MROH6: variants seen among roughly 807,000 people sequenced by gnomAD.
MROH6 encodes maestro heat-like repeat-containing protein family member 6.
In MROH6, 62 loss-of-function variants were observed where a neutral mutation model predicts 67.7. The observed-to-expected ratio is 0.92, with a 90% confidence interval of 0.75 to 1.13. The LOEUF is 1.13. Among genes scored for constraint, MROH6 ranks in the 50% most tolerant of loss-of-function variants. The pLI is 0.00. For missense variants in MROH6, 1,175 were observed against 1,029.1 expected (o/e 1.14, Z -1.94); for synonymous variants, 566 against 470.8 (o/e 1.20, Z -2.62).
rs748536045 is a variant in MROH6, at chr8:143,572,112, G to C, written c.368C>G (p.Ala123Gly). The C allele has an allele frequency of 2.7e-5, 44 of 1,612,898 alleles. No individual in the cohort carries two copies. Among genetic ancestry groups the C allele is most frequent in the Non-Finnish European group, 3.5e-5 (41 of 1,179,848 alleles). ...ALYTAACLEE[A>G]GFAGTQATVL... ...TGTCGCCTGGGTCCCTGCAAAGCCA[G>C]CCTCCTCCAGGCAGGCAGCCGTGTA... is the stretch of plus-strand genomic sequence containing the variant. Residue 123 changes from alanine (A) to glycine (G), a missense_variant, in exon 2 of 14, where the codon GCT becomes GGT. Physicochemically the swap from Ala to Gly is moderately conservative, Grantham distance 60. Transcript: ENST00000398882.
chr8:143,568,192 C>T lies in MROH6; in HGVS notation c.1714G>A (p.Val572Met). ...GCCTCGGGGCTGTCATAGTGGGCCA[C>T]GGTGACCAACTCCTCCAGCAGGCCC... ...CWGLLEELVTVAHYDSPEALS... is the reference protein window; with the variant it reads ...CWGLLEELVTMAHYDSPEALS... Residue 572 changes from valine (V) to methionine (M), a missense_variant, in exon 11 of 14, where the codon GTG becomes ATG. Transcript: ENST00000398882. The T allele has an allele frequency of 2.5e-6, 4 of 1,610,670 alleles. No individual in the cohort carries two copies. Among genetic ancestry groups the T allele is most frequent in the Admixed American group, 1.7e-5 (1 of 59,786 alleles).
chr8:143,567,964 G>C, intron 11 of MROH6, 76 bp from the exon 12 acceptor site: 2 of 1,456,140 alleles, frequency 1.4e-6, no homozygotes, highest in Non-Finnish European at 1.8e-6. Flanking sequence ...CTGAATCCAG[G>C]GGCCGGGGTT....
intron 6 of MROH6, 30 bp from the exon 7 acceptor site, chr8:143,570,095 T>C: frequency 6.3e-7 from 1 of 1,599,522 alleles, no homozygotes; most frequent in Non-Finnish European, 8.5e-7. Flanking sequence ...GAGCTCTCGC[T>C]CCGTTTGGCG....
At position 143,572,070 on chromosome 8, in the gene MROH6, G is replaced by A. The variant is rs1302750489; in HGVS notation, c.410C>T (p.Ser137Leu). 2 of 1,612,604 alleles carry A rather than the reference G, an allele frequency of 1.2e-6. No homozygotes were observed. The highest frequency in any genetic ancestry group is 2.2e-5 in the South Asian group (2 of 91,040). The change falls in exon 2 of 14, where the codon TCA (serine) becomes TTA (leucine). Residue 137 changes from serine to leucine, a missense_variant. Physicochemically the swap from Ser to Leu is moderately radical, Grantham distance 145 (BLOSUM62 -2). Transcript: ENST00000398882. Reference protein sequence around the residue: ...GTQATVLTLSSALEARGERLE... With the variant: ...GTQATVLTLSLALEARGERLE... ...CCGCTCGCCCCGGGCCTCCAGGGCT[G>A]AGGACAGGGTGAGCACTGTCGCCTG...
In MROH6 at chr8:143,567,272, G is replaced by A. The variant is rs910356020; in HGVS notation, c.2127C>T (p.Gly709=). Residue 709 remains glycine (G), a synonymous_variant, in exon 14 of 14, where the codon GGC becomes GGT. Transcript: ENST00000398882. ...GGCGGGGTCCGGAGCAGCCCCAGCGGCCCGCGACGCTCCGGCGCTGGAAGG... is the reference window on the plus strand; with the variant it reads ...GGCGGGGTCCGGAGCAGCCCCAGCGACCCGCGACGCTCCGGCGCTGGAAGG... The part of the protein sequence containing the change: ...DSPFQRRSVA[G]RWGCSGPRRA 147 of 1,222,612 alleles carry A rather than the reference G, an allele frequency of 1.2e-4. No homozygotes were observed. The highest frequency in any genetic ancestry group is 1.7e-4 in the Admixed American group (4 of 23,380). 75.7% of individuals were successfully genotyped at this position (1,222,612 alleles called of 1,614,324 possible).
At chr8:143,568,053 A>T in intron 11 of MROH6, 89 bp downstream of exon 11, 2 of 1,507,102 alleles carry the variant, frequency 1.3e-6, no homozygotes, top group Non-Finnish European at 1.8e-6. Flanking sequence ...GTTTGGCTGC[A>T]GTAGAAACGG....
At chr8:143,567,962 A>T in intron 11 of MROH6, 74 bp from the exon 12 acceptor site, 1 of 1,456,356 alleles carries the variant, frequency 6.9e-7, no homozygotes, top group Non-Finnish European at 9.2e-7. Flanking sequence ...AGCTGAATCC[A>T]GGGGCCGGGG....
intron 12 of MROH6, 52 bp downstream of exon 12, chr8:143,567,734 C>T (rs1823707195): frequency 1.3e-6 from 2 of 1,570,192 alleles, no homozygotes. Flanking sequence ...GGAGGCTGGC[C>T]CAGCTCCCAA....
chr8:143,570,860 T>C lies in MROH6; in HGVS notation c.720+17A>G. On this transcript the variant is annotated intron_variant, in intron 4 of 13. Coordinates refer to ENST00000398882, the MANE Select transcript of MROH6 (RefSeq NM_001100878.2). The stretch of plus-strand genomic sequence containing the variant: ...CACCCCCGCCCCCACCCCCTGGTAA[T>C]GGCTGGAGCCACCTACCGCCAGTGC... 4 of 493,518 alleles carry C rather than the reference T, an allele frequency of 8.1e-6. No homozygotes were observed. The highest frequency in any genetic ancestry group is 1.5e-5 in the Non-Finnish European group (4 of 271,148). The allele number at this position is 493,518 out of a possible 1,614,324, so 30.6% of individuals were successfully genotyped here.
In MROH6 at chr8:143,572,718, G is replaced by A. The variant is rs534144168; in HGVS notation, c.-4C>T. ...GGCCCCACACACCCCCAGCCATGGC[G>A]GCCCTTGCCTGCAGCACCTGCCGCT... is the stretch of plus-strand genomic sequence containing the variant. On this transcript the variant is annotated 5_prime_UTR_variant, in exon 1 of 14. Coordinates refer to ENST00000398882, the MANE Select transcript of MROH6 (RefSeq NM_001100878.2). 82 of 1,471,300 alleles carry A rather than the reference G, an allele frequency of 5.6e-5. 1 individual carries two copies. In the East Asian group the frequency reaches 1.5e-3, roughly 27 times the overall value. 91.1% of individuals were successfully genotyped at this position (1,471,300 alleles called of 1,614,324 possible). A position where few individuals can be genotyped will look rare whatever the true frequency, so the allele number is the denominator to read the frequency against.
At position 143,571,737 on chromosome 8, in the gene MROH6, T is replaced by C. The variant is rs375085508; in HGVS notation, c.532A>G (p.Ser178Gly). The change falls in exon 3 of 14, where the codon AGC becomes GGC. Residue 178 changes from serine to glycine, a missense_variant. Physicochemically the swap from Ser to Gly is moderately conservative, Grantham distance 56 (BLOSUM62 0). Coordinates refer to ENST00000398882, the MANE Select transcript of MROH6 (RefSeq NM_001100878.2). ...CGCGCATGCTCCAGGGCCAGTGCGC[T>C]CAGCACTCGCAGGGCCGCCCTCCAG... ...RPWRAALRVLSALALEHARDV... is the reference protein window; with the variant it reads ...RPWRAALRVLGALALEHARDV... The C allele has an allele frequency of 3.5e-5, 55 of 1,549,730 alleles. No individual in the cohort carries two copies. Among genetic ancestry groups the C allele is most frequent in the Non-Finnish European group, 4.7e-5 (54 of 1,148,012 alleles).
In MROH6 at chr8:143,572,586, A is replaced by T; in HGVS notation, c.129T>A (p.Pro43=). ...GQPQGPPSAG[P]QPKSWEVKPE... The stretch of plus-strand genomic sequence containing the variant: ...GTTTGACCTCCCAGGACTTGGGCTG[A>T]GGGCCTGCGGAAGGGGGTCCCTGGG... Residue 43 remains proline, a synonymous_variant, in exon 1 of 14, where the codon CCT becomes CCA. Coordinates refer to ENST00000398882, the MANE Select transcript of MROH6 (RefSeq NM_001100878.2). 6.2e-7 allele frequency: 1 copy of T among 1,603,260 alleles called. No homozygotes were observed. Among genetic ancestry groups the T allele is most frequent in the East Asian group, 2.2e-5 (1 of 44,628 alleles).
rs988066464 is a variant in MROH6, at chr8:143,568,635, G to A, written c.1561C>T (p.Arg521Cys). The A allele has an allele frequency of 2.0e-6, 3 of 1,537,038 alleles. No homozygotes were observed. Among genetic ancestry groups the A allele is most frequent in the South Asian group, 2.4e-5 (2 of 84,182 alleles). Residue 521 changes from arginine to cysteine, a missense_variant, in exon 10 of 14, where the codon CGC (arginine) becomes TGC (cysteine). Coordinates refer to ENST00000398882, the MANE Select transcript of MROH6 (RefSeq NM_001100878.2). ...RGRGGLRLGL[R>C]GPLRKLVLQS... ...AGCACCAGCTTCCGCAGGGGGCCGC[G>A]GAGCCCCAGCCGGAGCCCGCCCCGG... is the stretch of plus-strand genomic sequence containing the variant.
chr8:143,567,231 C>T lies in MROH6; in HGVS notation c.*8G>A. 8.2e-7 allele frequency: 1 copy of T among 1,217,896 alleles called. No individual in the cohort carries two copies. Among genetic ancestry groups the T allele is most frequent in the Non-Finnish European group, 1.0e-6 (1 of 977,832 alleles). 75.4% of individuals were successfully genotyped at this position (1,217,896 alleles called of 1,614,324 possible). A position where few individuals can be genotyped will look rare whatever the true frequency, so the allele number is the denominator to read the frequency against. On this transcript the variant is annotated 3_prime_UTR_variant, in exon 14 of 14. Transcript: ENST00000398882. Reference sequence around the variant, plus strand: ...CGGACCCTGGCCCTCGGGCCCCAGCCCCGAGCCTCAGGCTCGGCGGGGTCC... The same window carrying T: ...CGGACCCTGGCCCTCGGGCCCCAGCTCCGAGCCTCAGGCTCGGCGGGGTCC...
Position 143,567,183 on chromosome 8 carries a change from C to T in MROH6, c.*56G>A. The T allele has an allele frequency of 3.9e-6, 4 of 1,013,454 alleles. No homozygotes were observed. The highest frequency in any genetic ancestry group is 5.0e-6 in the Non-Finnish European group (4 of 792,652). 62.8% of individuals were successfully genotyped at this position (1,013,454 alleles called of 1,614,324 possible). On this transcript the variant is annotated 3_prime_UTR_variant, in exon 14 of 14. Coordinates refer to ENST00000398882, the MANE Select transcript of MROH6 (RefSeq NM_001100878.2). ...CCTCCGTCAGGGCGGGGACAGGCTGCTATGCGCGTGGGGTGCCCGAGTCGG... is the reference window on the plus strand; with the variant it reads ...CCTCCGTCAGGGCGGGGACAGGCTGTTATGCGCGTGGGGTGCCCGAGTCGG...
rs1352575820 is a variant in MROH6, at chr8:143,568,703, C to T, written c.1493G>A (p.Arg498His). 2 of 1,497,978 alleles carry T rather than the reference C, an allele frequency of 1.3e-6. No individual in the cohort carries two copies. The highest frequency in any genetic ancestry group is 2.5e-5 in the South Asian group (2 of 79,328). 92.8% of individuals were successfully genotyped at this position (1,497,978 alleles called of 1,614,324 possible). ...PLLDDTRDSI[R>H]ASAVGLLGTL... is the part of the protein sequence containing the mutation. ...CCCAAGGAGCCCGACGGCCGAGGCGCGGATTGAGTCCCGTGTCTGCGTGGG... is the reference window on the plus strand; with the variant it reads ...CCCAAGGAGCCCGACGGCCGAGGCGTGGATTGAGTCCCGTGTCTGCGTGGG... Residue 498 changes from arginine to histidine, a missense_variant, in exon 10 of 14, where the codon CGC becomes CAC. Arg to His is a conservative substitution (Grantham distance 29). Transcript: ENST00000398882.
chr8:143,570,350 G>T lies in MROH6; in HGVS notation c.936C>A (p.Leu312=). ...SCAVEALKAL[L]TGDGGRMVVT... is the part of the protein sequence containing the mutation. ...CCACCATGCGGCCTCCATCCCCGGT[G>T]AGCAGCGCCTTCAAGGCCTCCACAG... Residue 312 remains leucine, a synonymous_variant, in exon 6 of 14, where the codon CTC becomes CTA. Coordinates refer to ENST00000398882, the MANE Select transcript of MROH6 (RefSeq NM_001100878.2). The T allele has an allele frequency of 6.2e-7, 1 of 1,610,942 alleles. No individual in the cohort carries two copies.
rs760169466 is a variant in MROH6, at chr8:143,570,060, A to G, written c.1049T>C (p.Met350Thr). Residue 350 changes from methionine to threonine, a missense_variant, in exon 7 of 14, where the codon ATG (methionine) becomes ACG (threonine). Coordinates refer to ENST00000398882, the MANE Select transcript of MROH6 (RefSeq NM_001100878.2). ...LEGVLLLASA[M>T]VAHADHHLRG... ...CAGGTGGTGGTCGGCATGTGCCACC[A>G]TAGCACTGGGGTGGGTGGAAATGGG... 21 of 1,610,598 alleles carry G rather than the reference A, an allele frequency of 1.3e-5. No individual in the cohort carries two copies. In the South Asian group the frequency reaches 1.6e-4, roughly 13 times the overall value.
intron 2 of MROH6, 83 bp from the exon 3 acceptor site, chr8:143,571,904 C>G (rs779994483): frequency 2.0e-6 from 3 of 1,493,946 alleles, no homozygotes; most frequent in African/African-American, 1.4e-5. Flanking sequence ...CCTCCACCCC[C>G]ACCCTGATCC....
Sources: allele counts gnomAD v4.1 joint callset, GRCh38; gene constraint gnomAD v4.1.1; transcripts MANE v1.5; gene names NCBI Gene and HGNC (gene_info 2026-07-23, HGNC 2026-07-21).